The following TSC22D3 variants were observed in gnomAD, a reference collection of about 807,000 sequenced individuals.
TSC22D3 encodes TSC22 domain family member 3.
TSC22D3 carries 4 observed loss-of-function variants against 11.1 expected under a neutral mutation model. The ratio of observed to expected loss-of-function variants is 0.36; its 90% CI spans 0.18 to 0.83. The LOEUF (loss-of-function observed/expected upper bound fraction) is 0.83. TSC22D3 is among the 40% of genes least tolerant of loss of function. The pLI, the probability that TSC22D3 is intolerant of heterozygous loss-of-function variation, is 0.48. For synonymous variants in TSC22D3, 77 were observed against 70.3 expected, an observed-to-expected ratio of 1.10 and a Z score of -0.48; for missense variants, 118 against 159.4, an observed-to-expected ratio of 0.74 and a Z score of 1.40.
chrX:107,746,168 T>C (rs1928642664), intron 1 of TSC22D3, among the ~76,000 whole-genome samples: 1 of 111,352 alleles, frequency 9.0e-6, no homozygotes, highest in Non-Finnish European at 1.9e-5. Context: ...CCCCGCTTTG[T>C]TGGAAGAGAC....
intron 1 of TSC22D3, among the ~76,000 whole-genome samples, chrX:107,755,073 T>C (rs1055696834): frequency 8.9e-6 from 1 of 112,335 alleles, no homozygotes; most frequent in Non-Finnish European, 1.9e-5. Context: ...ATGAAATCTC[T>C]GGTGGATAAC....
intron 1 of TSC22D3, among the ~76,000 whole-genome samples, chrX:107,731,311 C>T (rs373013010): frequency 3.6e-5 from 4 of 111,683 alleles, no homozygotes; most frequent in South Asian, 3.8e-4. Context: ...TTCCAGAGCA[C>T]GGTGGAAAGA....
At chrX:107,752,306 C>A (rs1027438928) in intron 1 of TSC22D3, among the ~76,000 whole-genome samples, 6 of 112,144 alleles carry the variant, frequency 5.4e-5, no homozygotes, top group Non-Finnish European at 9.4e-5. Context: ...CCTCTCCAGA[C>A]TGAGGCATTT....
chrX:107,716,780 T>G, intron 1 of TSC22D3: 16 of 1,209,496 alleles, frequency 1.3e-5, no homozygotes, highest in Non-Finnish European at 1.8e-5. Context: ...GACCGCCACC[T>G]CCATGGGGGT....
intron 1 of TSC22D3, among the ~76,000 whole-genome samples, chrX:107,772,499 A>G (rs1327267851): frequency 3.6e-5 from 4 of 111,364 alleles, no homozygotes; most frequent in Non-Finnish European, 7.5e-5. Flanking sequence ...AGCATGTCAT[A>G]CTGGGCAAAA....
intron 1 of TSC22D3, among the ~76,000 whole-genome samples, chrX:107,751,793 T>C (rs890751343): frequency 8.9e-5 from 10 of 112,105 alleles, no homozygotes; most frequent in African/African-American, 3.2e-4. Flanking sequence ...TACACATAGA[T>C]GGACAGGGTG....
At chrX:107,731,868 G>A (rs1315669839) in intron 1 of TSC22D3, among the ~76,000 whole-genome samples, 1 of 88,304 alleles carries the variant, frequency 1.1e-5, no homozygotes, top group East Asian at 4.6e-4. Flanking sequence ...ATGCTAGATG[G>A]GGGTGGGGGG....
intron 1 of TSC22D3, among the ~76,000 whole-genome samples, chrX:107,756,651 GTTA>G (rs1929194086): frequency 1.8e-5 from 2 of 112,560 alleles, no homozygotes; most frequent in Admixed American, 1.9e-4. Flanking sequence ...GGCACCGGCC[GTTA>G]TTATTTTTCT....
At chrX:107,766,603 T>C in intron 1 of TSC22D3, among the ~76,000 whole-genome samples, 1 of 109,910 alleles carries the variant, frequency 9.1e-6, no homozygotes. Context: ...CAGGTGATAG[T>C]AGGTTCCTCC....
At chrX:107,722,732 C>T (rs1471349337) in intron 1 of TSC22D3, among the ~76,000 whole-genome samples, 1 of 111,257 alleles carries the variant, frequency 9.0e-6, no homozygotes, top group Non-Finnish European at 1.9e-5. Flanking sequence ...TGTCCATCTA[C>T]AAGCAGGAAA....
chrX:107,775,008 A>G (rs986980197), intron 1 of TSC22D3, 92 bp downstream of exon 1: 53 of 1,036,938 alleles, frequency 5.1e-5, no homozygotes, highest in Non-Finnish European at 6.9e-5. Flanking sequence ...CCCCTCCTGA[A>G]CTTCCTAGTT....
intron 1 of TSC22D3, among the ~76,000 whole-genome samples, chrX:107,744,040 A>G (rs1014105504): frequency 8.9e-6 from 1 of 112,358 alleles, no homozygotes; most frequent in Non-Finnish European, 1.9e-5. Flanking sequence ...TTAACATTTA[A>G]GCCTACTCCG....
At chrX:107,716,587 A>G (rs1602942754) in intron 1 of TSC22D3, 6 of 769,133 alleles carry the variant, frequency 7.8e-6, no homozygotes, top group Non-Finnish European at 7.9e-6. Context: ...CACCGCGGGG[A>G]ACAGGGACCG....
chrX:107,719,224 T>C (rs752447154), intron 1 of TSC22D3, among the ~76,000 whole-genome samples: 55 of 111,790 alleles, frequency 4.9e-4, no homozygotes, highest in African/African-American at 1.7e-3. Flanking sequence ...GACTCCCTTA[T>C]GTGGAGACAG....
chrX:107,728,203 G>A (rs1927733686), intron 1 of TSC22D3, among the ~76,000 whole-genome samples: 1 of 111,746 alleles, frequency 8.9e-6, no homozygotes, highest in African/African-American at 3.3e-5. Context: ...CTTTGCTAAT[G>A]GCCTCGTGGA....
intron 1 of TSC22D3, among the ~76,000 whole-genome samples, chrX:107,725,089 C>T (rs1462071355): frequency 8.9e-6 from 1 of 112,235 alleles, no homozygotes; most frequent in Non-Finnish European, 1.9e-5. Context: ...CCATGAGAAT[C>T]ATGCCTTTGG....
intron 1 of TSC22D3, among the ~76,000 whole-genome samples, chrX:107,735,730 C>G: frequency 9.2e-6 from 1 of 109,216 alleles, no homozygotes; most frequent in East Asian, 2.9e-4. Flanking sequence ...CACCCGCCCC[C>G]CCAGCTGACT....
intron 1 of TSC22D3, among the ~76,000 whole-genome samples, chrX:107,730,888 G>A (rs7060738): frequency 0.013 from 1,441 of 111,438 alleles, 31 homozygotes; most frequent in African/African-American, 0.045. Flanking sequence ...GTTTCATGGG[G>A]CCCATAGCTT....
rs138960273 is a variant in TSC22D3, at chrX:107,758,327, G to A, written c.320+16773C>T. 6.2e-3 allele frequency among the ~76,000 whole-genome samples: 690 copies of A among 111,607 alleles called. 8 individuals are homozygous for A. Among genetic ancestry groups the A allele is most frequent in the African/African-American group, 0.022 (661 of 30,729 alleles). Reference sequence around the variant, plus strand: ...GCCCTGAGATATCATGCCTGGCCTGGAAAGGCACTCTCTGGTTAATGGAAC... The same window carrying A: ...GCCCTGAGATATCATGCCTGGCCTGAAAAGGCACTCTCTGGTTAATGGAAC... On this transcript the variant is annotated intron_variant, in intron 1 of 2. Coordinates refer to ENST00000372383, the MANE Select transcript of TSC22D3 (RefSeq NM_198057.3).
Sources: allele counts gnomAD v4.1 joint callset (sites outside exome capture counted in the v4.1 genomes callset), GRCh38; gene constraint gnomAD v4.1.1; transcripts MANE v1.5; gene names NCBI Gene and HGNC (gene_info 2026-07-23, HGNC 2026-07-21).